The following NFIX variants were observed in gnomAD, a reference collection of about 807,000 sequenced individuals.
The protein encoded by NFIX is nuclear factor 1 X-type.
NFIX carries 2 observed loss-of-function variants against 53.3 expected under a neutral mutation model. That is an observed-to-expected ratio of 0.04 (90% CI 0.02 to 0.12). NFIX has a LOEUF of 0.12. Ranked by LOEUF, NFIX falls within the 10% of genes least tolerant of loss-of-function variation. NFIX has a pLI of 1.00. For missense variants in NFIX, 310 were observed against 674.5 expected, an observed-to-expected ratio of 0.46 and a Z score of 5.99; for synonymous variants, 244 against 289.0, an observed-to-expected ratio of 0.84 and a Z score of 1.58.
rs2016855715 is a variant in NFIX at position 13,072,966 on chromosome 19, AGGCTGGAGGG to A, written c.560-79_560-70del. 7.3e-7 allele frequency: 1 copy of A among 1,378,690 alleles called. No individual in the cohort carries two copies. The highest frequency in any genetic ancestry group is 1.2e-5 in the South Asian group (1 of 86,368). The allele number at this position is 1,378,690 out of a possible 1,614,324, so 85.4% of individuals were successfully genotyped here. ...GGTGGGCCGTCCCTGCTCTTGCACCAGGCTGGAGGGGCCAATGCTTGGCTGGTGCTTATGG... is the reference window on the plus strand; with the variant it reads ...GGTGGGCCGTCCCTGCTCTTGCACCAGCCAATGCTTGGCTGGTGCTTATGG... On this transcript the variant is annotated intron_variant, in intron 2 of 10. Transcript: ENST00000592199. The surrounding 1 kb of genome is among the most constrained non-coding windows in gnomAD (Gnocchi z 4.0).
chr19:13,047,463 T>C (rs78269692), intron 2 of NFIX, among the ~76,000 whole-genome samples: 4,869 of 152,252 alleles, frequency 0.032, 123 homozygotes, highest in Non-Finnish European at 0.053. Flanking sequence ...CTTGAATCCA[T>C]TTTGAGTTGC....
rs1470162521 is a variant in NFIX at position 13,002,155 on chromosome 19, G to A, written c.27+6291G>A. 6.6e-6 allele frequency among the ~76,000 whole-genome samples: 1 copy of A among 152,040 alleles called. No individual in the cohort carries two copies. The highest frequency in any genetic ancestry group is 1.5e-5 in the Non-Finnish European group (1 of 67,976). Reference sequence around the variant, plus strand: ...ACCCGCCATCCCTCCGAGGCTCTGAGGGCGCGGATTTGGAAACTGAGGTCC... The same window carrying A: ...ACCCGCCATCCCTCCGAGGCTCTGAAGGCGCGGATTTGGAAACTGAGGTCC... On this transcript the variant is annotated intron_variant, in intron 1 of 10. Transcript: ENST00000592199. This position sits in a 1 kb window ranked among gnomAD's most constrained non-coding sequence, Gnocchi z 6.1.
At chr19:13,055,207 C>A (rs1446921076) in intron 2 of NFIX, among the ~76,000 whole-genome samples, 1 of 152,028 alleles carries the variant, frequency 6.6e-6, no homozygotes, top group African/African-American at 2.4e-5. Flanking sequence ...CATCCAAGCG[C>A]CAGGCACAAC....
rs552047119 is a variant in NFIX at position 12,998,722 on chromosome 19, C to T, written c.27+2858C>T. ...CTGTTCACACCGATGTCCAGACCCA[C>T]GACCATCGACGAGCCTACAGACCTA... is the stretch of plus-strand genomic sequence containing the variant. On this transcript the variant is annotated intron_variant, in intron 1 of 10. Transcript: ENST00000592199. The surrounding 1 kb of genome is among the most constrained non-coding windows in gnomAD (Gnocchi z 4.4). Among the ~76,000 whole-genome samples, 6 of 152,268 alleles carry T rather than the reference C, an allele frequency of 3.9e-5. No homozygotes were observed. In the South Asian group the frequency reaches 6.2e-4, roughly 16 times the overall value.
intron 8 of NFIX, among the ~76,000 whole-genome samples, chr19:13,083,084 G>A (rs906182192): frequency 2.6e-5 from 4 of 152,090 alleles, no homozygotes; most frequent in Non-Finnish European, 5.9e-5. Context: ...TTTGCCCATC[G>A]AGGGTTTCTC....
At chr19:12,997,581 C>T (rs750431594) in intron 1 of NFIX, among the ~76,000 whole-genome samples, 1 of 152,218 alleles carries the variant, frequency 6.6e-6, no homozygotes, top group Non-Finnish European at 1.5e-5. Flanking sequence ...CTGAGCTGGG[C>T]CTCTTTGGTG....
In NFIX at chr19:13,068,850, C is replaced by T. The variant is rs2016592377; in HGVS notation, c.560-4197C>T. On this transcript the variant is annotated intron_variant, in intron 2 of 10. Transcript: ENST00000592199. The surrounding 1 kb of genome is among the most constrained non-coding windows in gnomAD (Gnocchi z 4.2). ...CAGGTCCCCAGAGAAGGACAGCCCG[C>T]AGAGCTGCGTGTTTGTGTGACACGA... Among the ~76,000 whole-genome samples, 1 of 152,236 alleles carries T rather than the reference C, an allele frequency of 6.6e-6. No individual in the cohort carries two copies. The highest frequency in any genetic ancestry group is 6.5e-5 in the Admixed American group (1 of 15,284).
Position 13,073,771 on chromosome 19 carries a change from T to C in NFIX, c.698-135T>C. On this transcript the variant is annotated intron_variant, in intron 4 of 10. Transcript: ENST00000592199. This position sits in a 1 kb window ranked among gnomAD's most constrained non-coding sequence, Gnocchi z 4.5. ...GGAGGAGGTTCCTCAGCAGCCCAGATGGCCCACTTTCTCCCATCTCCTGGC... is the reference window on the plus strand; with the variant it reads ...GGAGGAGGTTCCTCAGCAGCCCAGACGGCCCACTTTCTCCCATCTCCTGGC... 8.2e-7 allele frequency: 1 copy of C among 1,214,354 alleles called. No homozygotes were observed. Among genetic ancestry groups the C allele is most frequent in the South Asian group, 1.4e-5 (1 of 71,186 alleles). The allele number at this position is 1,214,354 out of a possible 1,614,324, so 75.2% of individuals were successfully genotyped here.
chr19:13,085,404 T>C (rs759605976), intron 8 of NFIX, among the ~76,000 whole-genome samples: 16 of 152,194 alleles, frequency 1.1e-4, no homozygotes, highest in Non-Finnish European at 2.1e-4. Context: ...AAGGCCTCTG[T>C]GTCCCAGTCC....
intron 5 of NFIX, among the ~76,000 whole-genome samples, chr19:13,074,577 G>A (rs955400661): frequency 6.6e-6 from 1 of 151,978 alleles, no homozygotes; most frequent in African/African-American, 2.4e-5. Flanking sequence ...CCAGTTAGGA[G>A]GCCATTGGAA....
rs1439334943 is a variant in NFIX, at chr19:13,009,534, AG to A, written c.27+13672del. ...TTTTCATCCCCCTTCTGGCCACCTGAGGCTCCTCCTTCTGGCCTTCCCATGG... is the reference window on the plus strand; with the variant it reads ...TTTTCATCCCCCTTCTGGCCACCTGAGCTCCTCCTTCTGGCCTTCCCATGG... On this transcript the variant is annotated intron_variant, in intron 1 of 10. Coordinates refer to ENST00000592199, the MANE Select transcript of NFIX (RefSeq NM_001365902.3). The surrounding 1 kb of genome is among the most constrained non-coding windows in gnomAD (Gnocchi z 4.7). Among the ~76,000 whole-genome samples, 1 of 152,176 alleles carries A rather than the reference AG, an allele frequency of 6.6e-6. No individual in the cohort carries two copies. Among genetic ancestry groups the A allele is most frequent in the Non-Finnish European group, 1.5e-5 (1 of 68,018 alleles).
At position 13,002,715 on chromosome 19, in the gene NFIX, C is replaced by T. The variant is rs998258118; in HGVS notation, c.27+6851C>T. Among the ~76,000 whole-genome samples, 2 of 152,174 alleles carry T rather than the reference C, an allele frequency of 1.3e-5. No individual in the cohort carries two copies. Among genetic ancestry groups the T allele is most frequent in the Non-Finnish European group, 2.9e-5 (2 of 68,014 alleles). ...GGCTGCGCCAGCCAGGGAGGGGAGG[C>T]GGGTAGCGGGCACTGCGGCGCTCTG... On this transcript the variant is annotated intron_variant, in intron 1 of 10. Coordinates refer to ENST00000592199, the MANE Select transcript of NFIX (RefSeq NM_001365902.3). This position sits in a 1 kb window ranked among gnomAD's most constrained non-coding sequence, Gnocchi z 6.1.
Position 13,090,381 on chromosome 19 carries a change from G to T in NFIX, c.1485G>T (p.Gln495His), listed in dbSNP as rs767674021. The T allele has an allele frequency of 6.2e-7, 1 of 1,613,842 alleles. No homozygotes were observed. Among genetic ancestry groups the T allele is most frequent in the Non-Finnish European group, 8.5e-7 (1 of 1,179,824 alleles). ...PRDGNFLNIPQQSQSWFL is the reference protein window; with the variant it reads ...PRDGNFLNIPHQSQSWFL ...ACGGCAACTTTCTGAACATCCCACA[G>T]CAGTCTCAGGTAGGAGACCCTGCCC... is the stretch of plus-strand genomic sequence containing the variant. The change falls in exon 10 of 11, where the codon CAG becomes CAT. Residue 495 changes from glutamine to histidine, a missense_variant. Coordinates refer to ENST00000592199, the MANE Select transcript of NFIX (RefSeq NM_001365902.3). This position sits in a 1 kb window ranked among gnomAD's most constrained non-coding sequence, Gnocchi z 6.6.
chr19:13,083,085 A>G (rs951727978), intron 8 of NFIX, among the ~76,000 whole-genome samples: 2 of 151,694 alleles, frequency 1.3e-5, no homozygotes, highest in Non-Finnish European at 2.9e-5. Flanking sequence ...TTGCCCATCG[A>G]GGGTTTCTCT....
chr19:13,046,081 G>C (rs1357307684), intron 2 of NFIX, among the ~76,000 whole-genome samples: 2 of 152,228 alleles, frequency 1.3e-5, no homozygotes, highest in East Asian at 3.8e-4. Flanking sequence ...AGTAAACCTG[G>C]ATGGAGTGTA....
intron 2 of NFIX, among the ~76,000 whole-genome samples, chr19:13,034,589 G>A (rs1036987209): frequency 1.3e-5 from 2 of 152,172 alleles, no homozygotes; most frequent in African/African-American, 4.8e-5. Context: ...TCCTTGCACT[G>A]TCACACCCTT....
intron 2 of NFIX, among the ~76,000 whole-genome samples, chr19:13,064,193 C>A (rs146749598): frequency 6.6e-6 from 1 of 152,184 alleles, no homozygotes; most frequent in East Asian, 1.9e-4. Context: ...GGGCTGGGGG[C>A]CGCTTGCCTG....
chr19:13,083,991 A>G (rs1197338803), intron 8 of NFIX, among the ~76,000 whole-genome samples: 1 of 152,230 alleles, frequency 6.6e-6, no homozygotes, highest in Non-Finnish European at 1.5e-5. Context: ...TAACACACAG[A>G]TGGCTGTGCC....
chr19:13,088,234 C>T lies in NFIX; in HGVS notation c.1402+98C>T, dbSNP rs1325024247. The T allele has an allele frequency of 2.9e-6, 4 of 1,384,722 alleles. No individual in the cohort carries two copies. Among genetic ancestry groups the T allele is most frequent in the South Asian group, 1.4e-5 (1 of 73,880 alleles). 85.8% of individuals were successfully genotyped at this position (1,384,722 alleles called of 1,614,324 possible). A position where few individuals can be genotyped will look rare whatever the true frequency, so the allele number is the denominator to read the frequency against. ...AGAAAAGCCTTCCCCCTCCCCACCA[C>T]CAAAGCCCCCCAACCCAGAGCACCA... On this transcript the variant is annotated intron_variant, in intron 9 of 10. Transcript: ENST00000592199. This position sits in a 1 kb window ranked among gnomAD's most constrained non-coding sequence, Gnocchi z 5.9.
Sources: allele counts gnomAD v4.1 joint callset (sites outside exome capture counted in the v4.1 genomes callset), GRCh38; gene constraint gnomAD v4.1.1; non-coding constraint Gnocchi (gnomAD v3.1); transcripts MANE v1.5; gene names NCBI Gene and HGNC (gene_info 2026-07-23, HGNC 2026-07-21).